The following ZNF880 variants were observed in gnomAD, a reference collection of about 807,000 sequenced individuals.
ZNF880 encodes the protein zinc finger protein LOC400713.
Under a neutral mutation model 11.8 loss-of-function variants are expected in ZNF880, and 12 were observed. The observed-to-expected ratio is 1.02, with a 90% CI of 0.65 to 1.65. The LOEUF (loss-of-function observed/expected upper bound fraction) is 1.65, where lower values mean the gene tolerates loss of function less well. ZNF880 is among the 40% of genes most tolerant of loss of function. The pLI, the probability that ZNF880 is intolerant of heterozygous loss-of-function variation, is 0.00. For missense variants in ZNF880, 601 were observed against 673.9 expected, an observed-to-expected ratio of 0.89 and a Z score of 1.20; for synonymous variants, 210 against 232.4, an observed-to-expected ratio of 0.90 and a Z score of 0.88.
chr19:52,379,516 C>T (rs1161939980), intron 3 of ZNF880: 4 of 444,088 alleles, frequency 9.0e-6, no homozygotes, highest in Admixed American at 2.5e-5. Context: ...CTGCATCGGC[C>T]TCCCCAAGTG....
rs548085078 is a variant in ZNF880 at position 52,373,139 on chromosome 19, T to C, written c.41T>C (p.Ile14Thr). 4.3e-5 allele frequency: 70 copies of C among 1,613,372 alleles called. 1 individual carries two copies. In the South Asian group the frequency reaches 6.0e-4, roughly 14 times the overall value. Reference protein sequence around the residue: ...RGHLAFRDVAIEFPQEEWKCL... With the variant: ...RGHLAFRDVATEFPQEEWKCL... ...CACTTGGCATTCAGGGACGTGGCCA[T>C]AGAATTCCCTCAGGAGGAGTGGAAA... The change falls in exon 2 of 4, where the codon ATA (isoleucine) becomes ACA (threonine). Residue 14 changes from isoleucine (I) to threonine (T), a missense_variant. Physicochemically the swap from Ile to Thr is moderately conservative, Grantham distance 89 (BLOSUM62 -1). Transcript: ENST00000422689.
At chr19:52,390,767 T>G (rs960963923), downstream of ZNF880, 2 of 152,378 alleles carry the variant, frequency 1.3e-5, no homozygotes, top group Non-Finnish European at 2.9e-5. Flanking sequence ...AAACCCTGTC[T>G]CTAAAAAATA....
chr19:52,373,829 C>T (rs112504234), intron 2 of ZNF880, among the ~76,000 whole-genome samples: 4,353 of 151,662 alleles, frequency 0.029, 86 homozygotes, highest in Non-Finnish European at 0.042. Flanking sequence ...TGCCACCACG[C>T]CTGGCTAATT....
At chr19:52,380,278 T>C (rs962372448) in intron 3 of ZNF880, among the ~76,000 whole-genome samples, 1 of 150,290 alleles carries the variant, frequency 6.7e-6, no homozygotes, top group African/African-American at 2.4e-5. Flanking sequence ...CCACTTGTGA[T>C]GTACTGTTTT....
intron 3 of ZNF880, among the ~76,000 whole-genome samples, chr19:52,382,286 A>T (rs945112849): frequency 6.6e-6 from 1 of 152,198 alleles, no homozygotes; most frequent in African/African-American, 2.4e-5. Context: ...CAAAAAACAA[A>T]CAAAAACCAT....
intron 2 of ZNF880, 141 bp downstream of exon 2, chr19:52,373,378 T>A: frequency 1.4e-6 from 1 of 710,996 alleles, no homozygotes; most frequent in South Asian, 2.0e-5. Context: ...AAAACCTCCA[T>A]AATGCTTTAT....
At position 52,385,535 on chromosome 19, in the gene ZNF880, T is replaced by C. The variant is rs1986858713; in HGVS notation, c.*221T>C. Reference sequence around the variant, plus strand: ...TGACTAGATATCAAAACATACATCTTGGATGAAACCATACAGATGGATTAT... The same window carrying C: ...TGACTAGATATCAAAACATACATCTCGGATGAAACCATACAGATGGATTAT... On this transcript the variant is annotated 3_prime_UTR_variant, in exon 4 of 4. Transcript: ENST00000422689. The C allele has an allele frequency of 1.8e-6, 1 of 565,932 alleles. No homozygotes were observed. Among genetic ancestry groups the C allele is most frequent in the Admixed American group, 3.3e-5 (1 of 30,762 alleles). The allele number at this position is 565,932 out of a possible 1,614,324, so 35.1% of individuals were successfully genotyped here.
At chr19:52,377,979 G>C (rs1986602823) in intron 3 of ZNF880, among the ~76,000 whole-genome samples, 1 of 152,072 alleles carries the variant, frequency 6.6e-6, no homozygotes, top group Non-Finnish European at 1.5e-5. Context: ...TTTTATGGAG[G>C]CTTCATCACA....
chr19:52,385,303 C>A lies in ZNF880; in HGVS notation c.1723C>A (p.Pro575Thr). 1 of 1,551,906 alleles carries A rather than the reference C, an allele frequency of 6.4e-7. No individual in the cohort carries two copies. Among genetic ancestry groups the A allele is most frequent in the Non-Finnish European group, 8.7e-7 (1 of 1,147,144 alleles). ...NHHRIHTGEK[P>T]YR ...TCACAGAATCCATACTGGAGAGAAA[C>A]CGTACAGATGAAATGTGTGTGGTAA... Residue 575 changes from proline to threonine, a missense_variant, in exon 4 of 4, where the codon CCG becomes ACG. Physicochemically the swap from Pro to Thr is conservative, Grantham distance 38. This residue lies in a region of ZNF880 where 177 missense variants were observed against 214.5 expected (regional missense o/e 0.83). Coordinates refer to ENST00000422689, the MANE Select transcript of ZNF880 (RefSeq NM_001145434.2).
At chr19:52,369,061 T>C (rs559339251), upstream of ZNF880, among the ~76,000 whole-genome samples, 624 of 41,604 alleles carry the variant, frequency 0.015, 10 homozygotes, top group East Asian at 0.1. Context: ...AATATAAATA[T>C]GAAAAAAAAA....
chr19:52,374,560 C>T, intron 3 of ZNF880, 133 bp downstream of exon 3: 2 of 1,101,314 alleles, frequency 1.8e-6, no homozygotes, highest in Non-Finnish European at 2.7e-6. Flanking sequence ...TAGCCTCAAA[C>T]TCCTGGTCTC....
chr19:52,395,535 T>G, the ZNF880 span: 5 of 152,360 alleles, frequency 3.3e-5, no homozygotes, highest in East Asian at 7.7e-4. Flanking sequence ...GAGTGAGAGA[T>G]AATCTCACGG....
chr19:52,392,173 C>A, the ZNF880 span, among the ~76,000 whole-genome samples: 2 of 152,276 alleles, frequency 1.3e-5, no homozygotes, highest in African/African-American at 4.8e-5. Context: ...AAGGATGTTA[C>A]ACAGGACACA....
chr19:52,387,150 A>G (rs1470120041), downstream of ZNF880, among the ~76,000 whole-genome samples: 2 of 144,828 alleles, frequency 1.4e-5, no homozygotes, highest in East Asian at 4.0e-4. Flanking sequence ...CTCTAACTTT[A>G]GTGTAAAATA....
At chr19:52,393,004 A>T in the ZNF880 span, among the ~76,000 whole-genome samples, 3 of 150,924 alleles carry the variant, frequency 2.0e-5, no homozygotes, top group Non-Finnish European at 4.4e-5. Context: ...ACTAATAAAT[A>T]GTGTTTGGGA....
rs1480463420 is a variant in ZNF880, at chr19:52,385,707, C to T, written c.*393C>T. 5 of 171,318 alleles carry T rather than the reference C, an allele frequency of 2.9e-5. No individual in the cohort carries two copies. The highest frequency in any genetic ancestry group is 7.9e-5 in the African/African-American group (3 of 38,008). The allele number at this position is 171,318 out of a possible 1,614,324, so 10.6% of individuals were successfully genotyped here. A position where few individuals can be genotyped will look rare whatever the true frequency, so the allele number is the denominator to read the frequency against. ...TCCAAATACGTTGAATCTCATGACG[C>T]GATGCATGTCGAAGGTCCAAGGGCA... On this transcript the variant is annotated 3_prime_UTR_variant, in exon 4 of 4. Transcript: ENST00000422689.
chr19:52,376,859 T>G (rs1309229946), intron 3 of ZNF880, among the ~76,000 whole-genome samples: 4 of 152,084 alleles, frequency 2.6e-5, no homozygotes, highest in Non-Finnish European at 5.9e-5. Flanking sequence ...GCTGATTTGT[T>G]TGAGTTCCTT....
chr19:52,382,600 T>C (rs1293522753), intron 3 of ZNF880, among the ~76,000 whole-genome samples: 7 of 152,192 alleles, frequency 4.6e-5, no homozygotes, highest in African/African-American at 7.2e-5. Flanking sequence ...TTTCAACATT[T>C]CCTCTCACTG....
chr19:52,393,050 T>C, the ZNF880 span, among the ~76,000 whole-genome samples: 1 of 150,248 alleles, frequency 6.7e-6, no homozygotes, highest in African/African-American at 2.5e-5. Flanking sequence ...GGAAAACCAA[T>C]AGTATAAATC....
Sources: gnomAD v4.1 joint callset for allele counts (sites outside exome capture counted in the v4.1 genomes callset) on GRCh38, gnomAD v4.1.1 for gene constraint, gnomAD v4.1.1 regional missense constraint, MANE v1.5 for transcripts, NCBI Gene and HGNC (gene_info 2026-07-23, HGNC 2026-07-21) for gene names.